The following TEX30 variants were observed in gnomAD, a reference collection of about 807,000 sequenced individuals.
TEX30 encodes testis expressed 30.
A neutral mutation model predicts 23.8 loss-of-function variants in TEX30; 14 were observed. That is an observed-to-expected ratio of 0.59 (90% CI 0.39 to 0.92). The LOEUF is 0.92. Ranked by LOEUF, TEX30 falls within the 40% of genes least tolerant of loss-of-function variation. The pLI is 0.00. For missense variants in TEX30, 246 were observed against 270.6 expected, an observed-to-expected ratio of 0.91 and a Z score of 0.64; for synonymous variants, 78 against 90.2, an observed-to-expected ratio of 0.87 and a Z score of 0.76.
Position 102,770,287 on chromosome 13 carries a change from T to C in TEX30, c.-60-201A>G, listed in dbSNP as rs144769966. On this transcript the variant is annotated intron_variant, in intron 1 of 5. Coordinates refer to ENST00000376032, the MANE Select transcript of TEX30 (RefSeq NM_138779.5). ...CAGGGTTGGTAGATGTTATAGAAGA[T>C]AAAACAAAGGTGATACTTTGACATG... 140 of 316,330 alleles carry C rather than the reference T, an allele frequency of 4.4e-4. 1 individual carries two copies. Among genetic ancestry groups the C allele is most frequent in the African/African-American group, 2.2e-3 (105 of 46,886 alleles). The allele number at this position is 316,330 out of a possible 1,614,324, so 19.6% of individuals were successfully genotyped here. A position where few individuals can be genotyped will look rare whatever the true frequency, so the allele number is the denominator to read the frequency against.
chr13:102,769,469 A>C lies in TEX30; in HGVS notation c.88T>G (p.Tyr30Asp). ...GCTCCATGTGTAAGAATTATTCCATATGTTAAGCTCTTGTTAGGTACCAAA... is the reference window on the plus strand; with the variant it reads ...GCTCCATGTGTAAGAATTATTCCATCTGTTAAGCTCTTGTTAGGTACCAAA... The part of the protein sequence containing the change: ...VCLVPNKSLT[Y>D]GIILTHGASG... The change falls in exon 3 of 6, where the codon TAT (tyrosine) becomes GAT (aspartate). Residue 30 changes from tyrosine (Y) to aspartate (D), a missense_variant. By Grantham distance (160) the Tyr-to-Asp change is radical. Coordinates refer to ENST00000376032, the MANE Select transcript of TEX30 (RefSeq NM_138779.5). The C allele has an allele frequency of 6.2e-7, 1 of 1,612,216 alleles. No individual in the cohort carries two copies. Among genetic ancestry groups the C allele is most frequent in the Non-Finnish European group, 8.5e-7 (1 of 1,179,444 alleles).
At chr13:102,769,201 C>T (rs551080382) in intron 3 of TEX30, 110 bp downstream of exon 3, 3 of 782,540 alleles carry the variant, frequency 3.8e-6, no homozygotes, top group African/African-American at 3.7e-5. Context: ...AGAATACACT[C>T]ATTCAAAGAT....
intron 4 of TEX30, 111 bp from the exon 5 acceptor site, chr13:102,767,589 A>T (rs1876998041): frequency 8.8e-7 from 1 of 1,140,742 alleles, no homozygotes; most frequent in Non-Finnish European, 1.2e-6. Flanking sequence ...GTTTACCAAC[A>T]AATTAACTCC....
intron 1 of TEX30, among the ~76,000 whole-genome samples, chr13:102,771,066 T>C (rs1454299101): frequency 3.3e-5 from 5 of 152,238 alleles, no homozygotes; most frequent in Non-Finnish European, 7.3e-5. Flanking sequence ...CACTCTTGAC[T>C]TGACATCAGA....
chr13:102,771,537 G>A (rs1877321469), intron 1 of TEX30, among the ~76,000 whole-genome samples: 2 of 152,132 alleles, frequency 1.3e-5, no homozygotes, highest in African/African-American at 4.8e-5. Flanking sequence ...CCCCATCTGT[G>A]TGTGTGAGCG....
At position 102,769,508 on chromosome 13, in the gene TEX30, G is replaced by C. The variant is rs765410013; in HGVS notation, c.49C>G (p.Leu17Val). Residue 17 changes from leucine to valine, a missense_variant, in exon 3 of 6, where the codon CTA becomes GTA. By Grantham distance (32) the Leu-to-Val change is conservative (BLOSUM62 1). Transcript: ENST00000376032. ...TTAGGTACCAAACAAACAGCATCTA[G>C]TAATTTATTTCCAAAAGGTATTTTT... ...KLKIPFGNKLLDAVCLVPNKS... is the reference protein window; with the variant it reads ...KLKIPFGNKLVDAVCLVPNKS... 3 of 1,598,822 alleles carry C rather than the reference G, an allele frequency of 1.9e-6. No homozygotes were observed. Among genetic ancestry groups the C allele is most frequent in the Non-Finnish European group, 2.6e-6 (3 of 1,174,698 alleles).
At chr13:102,770,523 T>C (rs1280017906) in intron 1 of TEX30, among the ~76,000 whole-genome samples, 1 of 152,206 alleles carries the variant, frequency 6.6e-6, no homozygotes, top group Non-Finnish European at 1.5e-5. Flanking sequence ...AACTTCACAG[T>C]GCTGCTAGAA....
intron 1 of TEX30, among the ~76,000 whole-genome samples, chr13:102,773,212 T>C (rs979262119): frequency 6.6e-6 from 1 of 152,162 alleles, no homozygotes; most frequent in African/African-American, 2.4e-5. Context: ...GTCCGAGTCT[T>C]ACGGGGGGTC....
In TEX30 at chr13:102,767,365, T is replaced by C. The variant is rs1435025355; in HGVS notation, c.412A>G (p.Lys138Glu). The part of the protein sequence containing the change: ...ICISYPLHHP[K>E]QQHKLRDEDL... The stretch of plus-strand genomic sequence containing the variant: ...TCATCTCTGAGTTTATGCTGCTGCT[T>C]TGGATGGTGCAGTGGGTAAGAAATA... Residue 138 changes from lysine (K) to glutamate (E), a missense_variant, in exon 5 of 6, where the codon AAG becomes GAG. Physicochemically the swap from Lys to Glu is moderately conservative, Grantham distance 56. Transcript: ENST00000376032. 3 of 1,614,122 alleles carry C rather than the reference T, an allele frequency of 1.9e-6. No homozygotes were observed. The highest frequency in any genetic ancestry group is 4.5e-5 in the East Asian group (2 of 44,870).
chr13:102,770,832 T>C (rs1877266747), intron 1 of TEX30: 1 of 152,226 alleles, frequency 6.6e-6, no homozygotes, highest in Non-Finnish European at 1.5e-5. Context: ...TGAAGATCCA[T>C]GAGCATAAAA....
chr13:102,766,238 GAC>G lies in TEX30; in HGVS notation c.*161_*162del, dbSNP rs1431748255. The G allele has an allele frequency of 5.5e-6, 3 of 548,212 alleles. No homozygotes were observed. Among genetic ancestry groups the G allele is most frequent in the Non-Finnish European group, 9.1e-6 (3 of 331,154 alleles). 34.0% of individuals were successfully genotyped at this position (548,212 alleles called of 1,614,324 possible). A position where few individuals can be genotyped will look rare whatever the true frequency, so the allele number is the denominator to read the frequency against. ...TACAACTGTAACAGTGCTTTCAAAA[GAC>G]ATTTTGTGAAGGACATTAATTTCAC... On this transcript the variant is annotated 3_prime_UTR_variant, in exon 6 of 6. Transcript: ENST00000376032.
At chr13:102,767,635 A>C (rs926026736) in intron 4 of TEX30, among the ~76,000 whole-genome samples, 157 bp from the exon 5 acceptor site, 1 of 152,206 alleles carries the variant, frequency 6.6e-6, no homozygotes. Flanking sequence ...ATACCAGGCC[A>C]GGCACGGTGG....
intron 3 of TEX30, 120 bp from the exon 4 acceptor site, chr13:102,768,431 A>T: frequency 1.5e-6 from 1 of 659,478 alleles, no homozygotes; most frequent in South Asian, 3.0e-5. Context: ...TAACCAGAAA[A>T]TCTTAAGGGA....
chr13:102,766,273 A>C lies in TEX30; in HGVS notation c.*128T>G. 1.3e-6 allele frequency: 1 copy of C among 742,632 alleles called. No homozygotes were observed. The highest frequency in any genetic ancestry group is 2.0e-6 in the Non-Finnish European group (1 of 490,140). 46.0% of individuals were successfully genotyped at this position (742,632 alleles called of 1,614,324 possible). A position where few individuals can be genotyped will look rare whatever the true frequency, so the allele number is the denominator to read the frequency against. Reference sequence around the variant, plus strand: ...GAAGGACATTAATTTCACATTTAAAACGTGTTTCAAAAATAAGGGAACATT... The same window carrying C: ...GAAGGACATTAATTTCACATTTAAACCGTGTTTCAAAAATAAGGGAACATT... On this transcript the variant is annotated 3_prime_UTR_variant, in exon 6 of 6. Transcript: ENST00000376032.
Position 102,773,664 on chromosome 13 carries a change from C to T in TEX30, c.-61+18G>A, listed in dbSNP as rs1877490997. 6.6e-6 allele frequency: 1 copy of T among 152,218 alleles called. No homozygotes were observed. The highest frequency in any genetic ancestry group is 2.1e-4 in the South Asian group (1 of 4,834). 9.4% of individuals were successfully genotyped at this position (152,218 alleles called of 1,614,324 possible). A position where few individuals can be genotyped will look rare whatever the true frequency, so the allele number is the denominator to read the frequency against. On this transcript the variant is annotated intron_variant, in intron 1 of 5. Transcript: ENST00000376032. Reference sequence around the variant, plus strand: ...CCGCCCGTCAGCCGGCGGCGCCAACCGCCACCGCCGCACTTACCCGGGAAG... The same window carrying T: ...CCGCCCGTCAGCCGGCGGCGCCAACTGCCACCGCCGCACTTACCCGGGAAG...
chr13:102,767,593 T>A, intron 4 of TEX30, 115 bp from the exon 5 acceptor site: 2 of 1,118,004 alleles, frequency 1.8e-6, no homozygotes, highest in Non-Finnish European at 2.5e-6. Context: ...ACCAACAAAT[T>A]AACTCCAAAA....
chr13:102,766,613 T>C (rs779305204), intron 5 of TEX30, 33 bp from the exon 6 acceptor site: 18 of 1,580,938 alleles, frequency 1.1e-5, no homozygotes, highest in South Asian at 2.3e-5. Flanking sequence ...ACTAGACTAA[T>C]GTTCTGTTGA....
Position 102,769,384 on chromosome 13 carries a change from C to T in TEX30, c.173G>A (p.Gly58Glu), listed in dbSNP as rs1392466676. The T allele has an allele frequency of 1.2e-6, 2 of 1,606,390 alleles. No homozygotes were observed. Among genetic ancestry groups the T allele is most frequent in the South Asian group, 2.3e-5 (2 of 88,708 alleles). The change falls in exon 3 of 6, where the codon GGG (glycine) becomes GAG (glutamate). Residue 58 changes from glycine to glutamate, a missense_variant. Coordinates refer to ENST00000376032, the MANE Select transcript of TEX30 (RefSeq NM_138779.5). ...ACAGGTAAATCTCAGGCAGAAAAAC[C>T]CATGAGATGCAAGATGGGATGCCAG... ...MSLASHLASHGFFCLRFTCKG... is the reference protein window; with the variant it reads ...MSLASHLASHEFFCLRFTCKG...
Position 102,769,397 on chromosome 13 carries a change from G to C in TEX30, c.160C>G (p.Leu54Val). The C allele has an allele frequency of 6.2e-7, 1 of 1,609,054 alleles. No homozygotes were observed. The highest frequency in any genetic ancestry group is 8.5e-7 in the Non-Finnish European group (1 of 1,178,322). The change falls in exon 3 of 6, where the codon CTT becomes GTT. Residue 54 changes from leucine (L) to valine (V), a missense_variant. Transcript: ENST00000376032. ...LPHLMSLASH[L>V]ASHGFFCLRF... ...AGGCAGAAAAACCCATGAGATGCAA[G>C]ATGGGATGCCAGTGACATCAAATGA...
Sources: gnomAD v4.1 joint callset for allele counts (sites outside exome capture counted in the v4.1 genomes callset) on GRCh38, gnomAD v4.1.1 for gene constraint, MANE v1.5 for transcripts, NCBI Gene and HGNC (gene_info 2026-07-23, HGNC 2026-07-21) for gene names.